RPH3A: variants seen among roughly 807,000 people sequenced by gnomAD.
RPH3A encodes rabphilin 3A.
Under a neutral mutation model 102.2 loss-of-function variants are expected in RPH3A, and 48 were observed. That is an observed-to-expected ratio of 0.47 (90% confidence interval 0.37 to 0.60). The LOEUF (loss-of-function observed/expected upper bound fraction) is 0.60, where lower values mean the gene tolerates loss of function less well. Among genes scored for constraint, RPH3A ranks in the 20% least tolerant of loss-of-function variants. RPH3A has a pLI of 0.00. For missense variants in RPH3A, 781 were observed against 910.1 expected (o/e 0.86, Z 1.83); for synonymous variants, 310 against 324.3 (o/e 0.96, Z 0.47).
chr12:112,749,171 G>A (rs2136059483), intron 1 of RPH3A, among the ~76,000 whole-genome samples: 1 of 152,290 alleles, frequency 6.6e-6, no homozygotes, highest in Admixed American at 6.5e-5. Flanking sequence ...GTGATGTGTT[G>A]TCAAGGCCAT....
intron 1 of RPH3A, among the ~76,000 whole-genome samples, chr12:112,760,044 C>A (rs548852702): frequency 6.4e-4 from 98 of 152,280 alleles, no homozygotes; most frequent in African/African-American, 2.3e-3. Context: ...GCCACTGCAG[C>A]CTGGCTTAGA....
At chr12:112,696,117 T>A (rs1566263805) in intron 1 of RPH3A, among the ~76,000 whole-genome samples, 1 of 152,220 alleles carries the variant, frequency 6.6e-6, no homozygotes, top group Non-Finnish European at 1.5e-5. Flanking sequence ...TTATTTCACT[T>A]AGAATAGTGG....
intron 2 of RPH3A, among the ~76,000 whole-genome samples, chr12:112,793,924 A>C (rs1414571137): frequency 6.6e-6 from 1 of 152,078 alleles, no homozygotes; most frequent in Non-Finnish European, 1.5e-5. Flanking sequence ...TCCCCATTTA[A>C]TTTTAATATT....
upstream of RPH3A, among the ~76,000 whole-genome samples, chr12:112,789,143 G>T (rs1049457766): frequency 3.3e-5 from 5 of 152,180 alleles, no homozygotes; most frequent in East Asian, 9.6e-4. Flanking sequence ...GTGTGACAGA[G>T]CAAGACTCTG....
intron 1 of RPH3A, among the ~76,000 whole-genome samples, chr12:112,747,487 A>G (rs191797135): frequency 1.8e-3 from 269 of 152,354 alleles, no homozygotes; most frequent in African/African-American, 6.3e-3. Flanking sequence ...AGACTAAGAC[A>G]GTGCTGTATC....
chr12:112,787,145 T>C (rs560109333), upstream of RPH3A, among the ~76,000 whole-genome samples: 53 of 152,302 alleles, frequency 3.5e-4, no homozygotes, highest in Admixed American at 3.1e-3. Context: ...TGTGATTACA[T>C]TGGATTCACC....
chr12:112,660,801 G>T (rs1389600637), intron 1 of RPH3A, among the ~76,000 whole-genome samples: 1 of 152,152 alleles, frequency 6.6e-6, no homozygotes, highest in Non-Finnish European at 1.5e-5. Flanking sequence ...AGTGGAGGAG[G>T]GGTTCAAATC....
At chr12:112,730,001 G>A (rs966934176) in intron 1 of RPH3A, among the ~76,000 whole-genome samples, 4 of 151,624 alleles carry the variant, frequency 2.6e-5, no homozygotes, top group Non-Finnish European at 4.4e-5. Flanking sequence ...AACTGGACAC[G>A]TACACACACA....
At chr12:112,780,983 G>C (rs950372559) in intron 1 of RPH3A, among the ~76,000 whole-genome samples, 2 of 152,046 alleles carry the variant, frequency 1.3e-5, no homozygotes, top group Non-Finnish European at 2.9e-5. Flanking sequence ...GTGAAACCCT[G>C]TCTCTACTAT....
intron 1 of RPH3A, among the ~76,000 whole-genome samples, chr12:112,681,701 T>C (rs2040227396): frequency 6.6e-6 from 1 of 152,208 alleles, no homozygotes. Context: ...CATGAGATAT[T>C]TAAGCAGTTC....
intron 1 of RPH3A, among the ~76,000 whole-genome samples, chr12:112,685,029 C>A (rs1434355811): frequency 1.3e-5 from 2 of 152,198 alleles, no homozygotes; most frequent in Non-Finnish European, 2.9e-5. Flanking sequence ...CAGGCTCATG[C>A]AATCTTCTAG....
chr12:112,575,780 A>C (rs1435625351), intron 1 of RPH3A, among the ~76,000 whole-genome samples: 4 of 152,128 alleles, frequency 2.6e-5, no homozygotes, highest in Non-Finnish European at 5.9e-5. Context: ...GAAACTCAGA[A>C]AGTGCTGAAA....
upstream of RPH3A, among the ~76,000 whole-genome samples, chr12:112,787,392 C>A (rs1023190260): frequency 2.6e-5 from 4 of 152,166 alleles, no homozygotes; most frequent in African/African-American, 7.2e-5. Flanking sequence ...CAGATTCACA[C>A]CCCATTCTCC....
At position 112,712,993 on chromosome 12, in the gene RPH3A, G is replaced by GTCTTCC. The variant is rs200802149; in HGVS notation, c.-139-79120_-139-79115dup. 9.9e-3 allele frequency among the ~76,000 whole-genome samples: 581 copies of GTCTTCC among 58,850 alleles called. 28 individuals carry two copies. Among genetic ancestry groups the GTCTTCC allele is most frequent in the Middle Eastern group, 0.015 (2 of 130 alleles). 38.6% of individuals were successfully genotyped at this position (58,850 alleles called of 152,430 possible). Reference sequence around the variant, plus strand: ...TTCTTCTTTCTTCTTCGTCGTCTTTGTCTTCCTCTTCCTCTTCCTCTTCCT... The same window carrying GTCTTCC: ...TTCTTCTTTCTTCTTCGTCGTCTTTGTCTTCCTCTTCCTCTTCCTCTTCCTCTTCCT... On this transcript the variant is annotated intron_variant, in intron 1 of 21. Coordinates refer to the RPH3A transcript ENST00000543106.
intron 1 of RPH3A, among the ~76,000 whole-genome samples, chr12:112,636,242 G>A (rs1322875022): frequency 6.6e-6 from 1 of 152,086 alleles, no homozygotes; most frequent in Non-Finnish European, 1.5e-5. Context: ...ACTAAATGGA[G>A]ACCACCCACT....
At chr12:112,671,358 C>T (rs999217147) in intron 1 of RPH3A, among the ~76,000 whole-genome samples, 7 of 152,196 alleles carry the variant, frequency 4.6e-5, no homozygotes, top group African/African-American at 1.7e-4. Context: ...CCATCCTCAG[C>T]TCGTGGCTAT....
At chr12:112,634,148 A>C (rs1592918016) in intron 1 of RPH3A, among the ~76,000 whole-genome samples, 1 of 151,964 alleles carries the variant, frequency 6.6e-6, no homozygotes, top group African/African-American at 2.4e-5. Flanking sequence ...GGAGTTCGAG[A>C]CCAGCCTGGC....
intron 2 of RPH3A, among the ~76,000 whole-genome samples, chr12:112,805,025 C>T (rs1160335582): frequency 6.6e-6 from 1 of 151,788 alleles, no homozygotes; most frequent in Admixed American, 6.6e-5. Context: ...ACCGAGTTTT[C>T]CTAGAAAAAA....
chr12:112,711,154 A>T (rs1323073372), intron 1 of RPH3A, among the ~76,000 whole-genome samples: 1 of 152,182 alleles, frequency 6.6e-6, no homozygotes, highest in African/African-American at 2.4e-5. Context: ...CTGCATCTGA[A>T]TCACTCAAGG....
Sources: allele counts gnomAD v4.1 joint callset (sites outside exome capture counted in the v4.1 genomes callset), GRCh38; gene constraint gnomAD v4.1.1; transcripts MANE v1.5; gene names NCBI Gene and HGNC (gene_info 2026-07-23, HGNC 2026-07-21).